The following MEGF10 variants were observed in gnomAD, a reference collection of about 807,000 sequenced individuals.
MEGF10 encodes the protein multiple epidermal growth factor-like domains protein 10.
In MEGF10, 86 loss-of-function variants were observed where a neutral mutation model predicts 147.5. The ratio of observed to expected loss-of-function variants is 0.58; its 90% CI spans 0.49 to 0.70. The LOEUF (loss-of-function observed/expected upper bound fraction) is 0.70. MEGF10 is among the 30% of genes least tolerant of loss of function. The probability of loss-of-function intolerance (pLI) is 0.00; values close to 1 mark genes in which losing one functional copy is unlikely to be tolerated. For missense variants in MEGF10, 1,329 were observed against 1,487.3 expected (o/e 0.89, Z 1.75); for synonymous variants, 478 against 525.5 (o/e 0.91, Z 1.24).
intron 14 of MEGF10, 66 bp downstream of exon 14, chr5:127,433,575 T>A: frequency 3.3e-6 from 5 of 1,526,032 alleles, no homozygotes; most frequent in Non-Finnish European, 4.4e-6. Context: ...CGAATAATGA[T>A]CTCTGTCCCA....
At chr5:127,379,380 C>T (rs1416231616) in intron 5 of MEGF10, among the ~76,000 whole-genome samples, 5 of 152,150 alleles carry the variant, frequency 3.3e-5, no homozygotes, top group Non-Finnish European at 5.9e-5. Context: ...TTAGAATACA[C>T]TCCAAAGCCC....
chr5:127,395,708 C>T (rs952692266), intron 5 of MEGF10, among the ~76,000 whole-genome samples: 6 of 151,868 alleles, frequency 4.0e-5, no homozygotes, highest in East Asian at 1.9e-4. Context: ...CCATGCCCTG[C>T]TAATTTTTTG....
intron 9 of MEGF10, among the ~76,000 whole-genome samples, chr5:127,415,041 A>G (rs1764705671): frequency 6.6e-6 from 1 of 151,988 alleles, no homozygotes; most frequent in South Asian, 2.1e-4. Flanking sequence ...TCCTAAGAAC[A>G]TGGAATAGCC....
At chr5:127,421,016 T>C in intron 12 of MEGF10, among the ~76,000 whole-genome samples, 1 of 152,308 alleles carries the variant, frequency 6.6e-6, no homozygotes, top group East Asian at 1.9e-4. Context: ...CTGGGCTTCC[T>C]CCTCATTAAG....
intron 4 of MEGF10, among the ~76,000 whole-genome samples, chr5:127,368,505 T>C (rs1762733739): frequency 6.6e-6 from 1 of 152,210 alleles, no homozygotes; most frequent in Admixed American, 6.5e-5. Context: ...TAGCGAATTC[T>C]CACAATAAAG....
chr5:127,316,825 C>T (rs1398013810), intron 1 of MEGF10, among the ~76,000 whole-genome samples: 2 of 152,110 alleles, frequency 1.3e-5, no homozygotes, highest in African/African-American at 2.4e-5. Flanking sequence ...AACACATCAG[C>T]TACTCTTGGG....
intron 11 of MEGF10, 135 bp from the exon 12 acceptor site, chr5:127,419,909 A>G (rs927676020): frequency 9.7e-7 from 1 of 1,030,760 alleles, no homozygotes; most frequent in Non-Finnish European, 1.4e-6. Flanking sequence ...ACTTGGCAGA[A>G]CCAGTGTTCT....
intron 5 of MEGF10, among the ~76,000 whole-genome samples, chr5:127,391,961 C>T (rs1763715229): frequency 6.6e-6 from 1 of 152,074 alleles, no homozygotes; most frequent in African/African-American, 2.4e-5. Flanking sequence ...GCCTGGAGTT[C>T]AAGATCAGCC....
In MEGF10 at chr5:127,325,909, A is replaced by AT. The variant is rs201136774; in HGVS notation, c.-18-5369dup. On this transcript the variant is annotated intron_variant, in intron 1 of 24. Coordinates refer to ENST00000503335, the MANE Select transcript of MEGF10 (RefSeq NM_001256545.2). ...TGTGTATATATATATATATATATAT[A>AT]TTTTTTTTTTTTTAAGACAGGGACT... 9.9e-3 allele frequency among the ~76,000 whole-genome samples: 1,042 copies of AT among 105,022 alleles called. 12 individuals carry two copies. Among genetic ancestry groups the AT allele is most frequent in the African/African-American group, 0.014 (376 of 26,696 alleles). 68.9% of individuals were successfully genotyped at this position (105,022 alleles called of 152,430 possible). A position where few individuals can be genotyped will look rare whatever the true frequency, so the allele number is the denominator to read the frequency against.
the MEGF10 span, among the ~76,000 whole-genome samples, chr5:127,246,930 A>ACATATACTATATAATAG: frequency 7.7e-6 from 1 of 129,928 alleles, no homozygotes; most frequent in Non-Finnish European, 1.6e-5. Flanking sequence ...TTATACAATA[A>ACATATACTATATAATAG]TATATGATTA....
chr5:127,331,382 C>T lies in MEGF10; in HGVS notation c.74C>T (p.Pro25Leu), dbSNP rs1286477718. ...LLCHWIGTASPLNLEDPNVCS... is the reference protein window; with the variant it reads ...LLCHWIGTASLLNLEDPNVCS... ...TGCCACTGGATTGGGACAGCATCACCTCTGAATCTTGAAGACCCTAATGTG... is the reference window on the plus strand; with the variant it reads ...TGCCACTGGATTGGGACAGCATCACTTCTGAATCTTGAAGACCCTAATGTG... The change falls in exon 2 of 25, where the codon CCT (proline) becomes CTT (leucine). Residue 25 changes from proline to leucine, a missense_variant. This residue lies in a region of MEGF10 where 980 missense variants were observed against 1,085.9 expected (regional missense o/e 0.90). Transcript: ENST00000503335. The T allele has an allele frequency of 6.2e-7, 1 of 1,613,056 alleles. No individual in the cohort carries two copies. The highest frequency in any genetic ancestry group is 8.5e-7 in the Non-Finnish European group (1 of 1,179,206).
At chr5:127,294,835 T>TAATAAA (rs56033520) in intron 1 of MEGF10, among the ~76,000 whole-genome samples, 2,980 of 143,102 alleles carry the variant, frequency 0.021, 57 homozygotes, top group South Asian at 0.038. Context: ...ATAATAATAA[T>TAATAAA]AAATAACTTG....
chr5:127,435,263 TG>T, intron 15 of MEGF10, 97 bp from the exon 16 acceptor site: 1 of 1,416,714 alleles, frequency 7.1e-7, no homozygotes, highest in Non-Finnish European at 9.6e-7. Flanking sequence ...AATGAGCAGC[TG>T]GGCCTGTGAC....
chr5:127,268,258 T>C, the MEGF10 span, among the ~76,000 whole-genome samples: 4 of 152,182 alleles, frequency 2.6e-5, no homozygotes, highest in African/African-American at 7.2e-5. Context: ...TGAGTTCTAG[T>C]TTGATTGCAC....
intron 12 of MEGF10, among the ~76,000 whole-genome samples, chr5:127,422,302 C>T (rs1184888937): frequency 6.6e-6 from 1 of 152,092 alleles, no homozygotes; most frequent in African/African-American, 2.4e-5. Flanking sequence ...GAGTGGATCA[C>T]CTGAGGTCAG....
intron 1 of MEGF10, among the ~76,000 whole-genome samples, chr5:127,322,767 G>A (rs975507827): frequency 6.6e-6 from 1 of 152,126 alleles, no homozygotes; most frequent in African/African-American, 2.4e-5. Flanking sequence ...GATTAAATTG[G>A]TACTATTGCA....
At chr5:127,306,771 A>G (rs893163954) in intron 1 of MEGF10, among the ~76,000 whole-genome samples, 3 of 152,206 alleles carry the variant, frequency 2.0e-5, no homozygotes, top group African/African-American at 7.2e-5. Context: ...GGAGCTACCT[A>G]AGGAGAGACA....
intron 2 of MEGF10, among the ~76,000 whole-genome samples, chr5:127,337,140 AC>A: frequency 6.6e-6 from 1 of 152,224 alleles, no homozygotes; most frequent in Non-Finnish European, 1.5e-5. Flanking sequence ...TTAAAGTTTC[AC>A]CTATATAGGC....
At chr5:127,249,488 TACAA>T in the MEGF10 span, among the ~76,000 whole-genome samples, 1 of 151,696 alleles carries the variant, frequency 6.6e-6, no homozygotes, top group Non-Finnish European at 1.5e-5. Flanking sequence ...GAAACAAACA[TACAA>T]ACATGAGATG....
Sources: gnomAD v4.1 joint callset for allele counts (sites outside exome capture counted in the v4.1 genomes callset) on GRCh38, gnomAD v4.1.1 for gene constraint, gnomAD v4.1.1 regional missense constraint, MANE v1.5 for transcripts, NCBI Gene and HGNC (gene_info 2026-07-23, HGNC 2026-07-21) for gene names.